Variants in CACNA1E observed in about 807,000 individuals in gnomAD.
CACNA1E encodes calcium voltage-gated channel subunit alpha1 E, also known as voltage-dependent R-type calcium channel subunit alpha-1E.
A neutral mutation model predicts 259.2 loss-of-function variants in CACNA1E; 40 were observed. That is an observed-to-expected ratio of 0.15 (90% CI 0.12 to 0.20). CACNA1E has a LOEUF of 0.20. CACNA1E is among the 10% of genes least tolerant of loss of function. The pLI, the probability that CACNA1E is intolerant of heterozygous loss-of-function variation, is 1.00. For missense variants in CACNA1E, 1,874 were observed against 3,040.1 expected, an observed-to-expected ratio of 0.62 and a Z score of 9.02; for synonymous variants, 1,104 against 1,138.5, an observed-to-expected ratio of 0.97 and a Z score of 0.61.
At chr1:181,349,408 AG>A (rs1382253256) in intron 1 of CACNA1E, among the ~76,000 whole-genome samples, 1 of 152,228 alleles carries the variant, frequency 6.6e-6, no homozygotes, top group African/African-American at 2.4e-5. Flanking sequence ...CCCTGCCCCA[AG>A]GGAGGCAGGG....
rs921926464 is a variant in CACNA1E, at chr1:181,328,725, A to G, written c.-15+10602A>G. 2.6e-4 allele frequency among the ~76,000 whole-genome samples: 39 copies of G among 152,280 alleles called. 1 individual carries two copies. Among genetic ancestry groups the G allele is most frequent in the African/African-American group, 9.4e-4 (39 of 41,544 alleles). On this transcript the variant is annotated intron_variant, in intron 1 of 11. Coordinates refer to the CACNA1E transcript ENST00000524607. ...TAGAAAAGCCATCAGACCACCATGC[A>G]AGTCTAACCCTGAGTGACAGATTGA...
intron 3 of CACNA1E, among the ~76,000 whole-genome samples, chr1:181,520,922 C>T (rs1274066205): frequency 1.3e-5 from 2 of 152,210 alleles, no homozygotes; most frequent in East Asian, 1.9e-4. Flanking sequence ...CCTGTCCGCC[C>T]ACATCTGGAT....
chr1:181,483,718 G>T lies in CACNA1E; in HGVS notation c.-27G>T. On this transcript the variant is annotated 5_prime_UTR_variant, in exon 1 of 48. Transcript: ENST00000367573. ...GGTGTTCGGCCGCGATCACCTTTGT[G>T]TGTCTTCTGTCTGTTTAAACCTCAG... 3 of 1,562,834 alleles carry T rather than the reference G, an allele frequency of 1.9e-6. No homozygotes were observed. Among genetic ancestry groups the T allele is most frequent in the Non-Finnish European group, 2.6e-6 (3 of 1,149,990 alleles).
At chr1:181,414,501 T>G (rs1658116415) in intron 2 of CACNA1E, among the ~76,000 whole-genome samples, 1 of 152,234 alleles carries the variant, frequency 6.6e-6, no homozygotes. Flanking sequence ...CATTCATTCA[T>G]TCAGTGAGTC....
At chr1:181,325,865 G>A (rs1417272377) in intron 1 of CACNA1E, among the ~76,000 whole-genome samples, 1 of 151,960 alleles carries the variant, frequency 6.6e-6, no homozygotes, top group African/African-American at 2.4e-5. Context: ...CCTTCCTCTG[G>A]TGAGGCCGGC....
intron 2 of CACNA1E, among the ~76,000 whole-genome samples, chr1:181,460,183 G>T (rs559653153): frequency 3.3e-5 from 5 of 152,196 alleles, no homozygotes; most frequent in Admixed American, 3.3e-4. Flanking sequence ...ATTAGGGGAG[G>T]TTATTAGAGA....
chr1:181,712,777 C>T (rs1053563406), intron 8 of CACNA1E, among the ~76,000 whole-genome samples: 2 of 152,042 alleles, frequency 1.3e-5, no homozygotes, highest in Non-Finnish European at 1.5e-5. Flanking sequence ...CCCAGCTGTC[C>T]TTGGCTTTCT....
chr1:181,535,550 A>G lies in CACNA1E; in HGVS notation c.512+24040A>G, dbSNP rs904956022. Among the ~76,000 whole-genome samples the G allele has an allele frequency of 2.0e-5, 3 of 152,180 alleles. 1 individual carries two copies. The highest frequency in any genetic ancestry group is 4.4e-5 in the Non-Finnish European group (3 of 68,032). Reference sequence around the variant, plus strand: ...TAAATGTAAATTACATTTCTGCCATATATACACACACATACATACATATGT... The same window carrying G: ...TAAATGTAAATTACATTTCTGCCATGTATACACACACATACATACATATGT... On this transcript the variant is annotated intron_variant, in intron 3 of 47. Transcript: ENST00000367573.
chr1:181,625,499 A>C (rs1029228789), intron 6 of CACNA1E, among the ~76,000 whole-genome samples: 1 of 152,136 alleles, frequency 6.6e-6, no homozygotes, highest in African/African-American at 2.4e-5. Flanking sequence ...TTCACCTTGC[A>C]CTTTCATGTA....
intron 7 of CACNA1E, among the ~76,000 whole-genome samples, chr1:181,694,245 G>C (rs1386017510): frequency 2.6e-5 from 4 of 152,316 alleles, no homozygotes; most frequent in Non-Finnish European, 2.9e-5. Context: ...AGCAGTAAAA[G>C]AGGGAGAAAG....
intron 6 of CACNA1E, among the ~76,000 whole-genome samples, chr1:181,629,636 G>A (rs989532504): frequency 6.6e-5 from 10 of 151,338 alleles, no homozygotes; most frequent in South Asian, 2.1e-4. Flanking sequence ...AAAATGACAC[G>A]TGAAAAAAAT....
At chr1:181,578,008 T>A (rs1470722365) in intron 4 of CACNA1E, 139 bp downstream of exon 4, 2 of 490,738 alleles carry the variant, frequency 4.1e-6, no homozygotes, top group Admixed American at 3.7e-5. Flanking sequence ...ATAGTGGAGA[T>A]GGAGCAATCT....
intron 7 of CACNA1E, 30 bp from the exon 8 acceptor site, chr1:181,710,924 C>G: frequency 6.7e-7 from 1 of 1,495,772 alleles, no homozygotes; most frequent in South Asian, 1.1e-5. Context: ...CCTGTCCAAA[C>G]CCAGTGAATC....
At chr1:181,661,939 T>C (rs1647725935) in intron 7 of CACNA1E, among the ~76,000 whole-genome samples, 1 of 152,186 alleles carries the variant, frequency 6.6e-6, no homozygotes, top group Admixed American at 6.5e-5. Flanking sequence ...GGAAGGAAAT[T>C]ATCTGTCATC....
intron 6 of CACNA1E, among the ~76,000 whole-genome samples, chr1:181,643,207 A>T (rs187815231): frequency 6.6e-6 from 1 of 152,340 alleles, no homozygotes; most frequent in East Asian, 1.9e-4. Context: ...TGTAACCCAC[A>T]TCAGCCCCAG....
chr1:181,608,702 T>A (rs1452694392), intron 6 of CACNA1E, among the ~76,000 whole-genome samples: 1 of 152,172 alleles, frequency 6.6e-6, no homozygotes, highest in East Asian at 1.9e-4. Context: ...TGAGCAGGAT[T>A]GCTTTGCTCG....
chr1:181,728,719 C>T (rs1423365786), intron 18 of CACNA1E, among the ~76,000 whole-genome samples: 4 of 151,970 alleles, frequency 2.6e-5, no homozygotes, highest in African/African-American at 9.7e-5. Flanking sequence ...GTGCTCTGCA[C>T]AGGTATGTGT....
intron 37 of CACNA1E, among the ~76,000 whole-genome samples, chr1:181,772,887 A>C (rs1289668499): frequency 6.6e-6 from 1 of 152,188 alleles, no homozygotes; most frequent in South Asian, 2.1e-4. Context: ...GGGAAGCCCT[A>C]CGTGCCTCTG....
At chr1:181,631,373 CT>C (rs1376401266) in intron 6 of CACNA1E, among the ~76,000 whole-genome samples, 1 of 80,328 alleles carries the variant, frequency 1.2e-5, no homozygotes, top group Non-Finnish European at 3.0e-5. Flanking sequence ...CTCTAAATGT[CT>C]TTTTTCTTGC....
Sources: gnomAD v4.1 joint callset for allele counts (sites outside exome capture counted in the v4.1 genomes callset) on GRCh38, gnomAD v4.1.1 for gene constraint, MANE v1.5 for transcripts, NCBI Gene and HGNC (gene_info 2026-07-23, HGNC 2026-07-21) for gene names.